TRIM35: variants seen among roughly 807,000 people sequenced by gnomAD.
TRIM35 encodes E3 ubiquitin-protein ligase TRIM35.
Under a neutral mutation model 49.1 loss-of-function variants are expected in TRIM35, and 37 were observed. That is an observed-to-expected ratio of 0.75 (90% CI 0.58 to 0.99). The LOEUF is 0.99. Ranked by LOEUF, TRIM35 falls within the 50% of genes least tolerant of loss-of-function variation. TRIM35 has a pLI of 0.00. For missense variants in TRIM35, 648 were observed against 702.7 expected (o/e 0.92, Z 0.88); for synonymous variants, 302 against 289.3 (o/e 1.04, Z -0.45).
rs779078557 is a variant in TRIM35, at chr8:27,310,870, G to A, written c.366C>T (p.Ser122=). The A allele has an allele frequency of 1.2e-6, 2 of 1,611,912 alleles. No individual in the cohort carries two copies. The highest frequency in any genetic ancestry group is 1.1e-5 in the South Asian group (1 of 91,020). Residue 122 remains serine, a synonymous_variant, in exon 1 of 6, where the codon TCC becomes TCT. Transcript: ENST00000305364. The part of the protein sequence containing the change: ...CLEDKELLCC[S]CQADPRHQGH... ...CCTGGTGTCGGGGGTCGGCCTGGCA[G>A]GAGCAGCACAGCAGCTCCTTGTCCT... is the stretch of plus-strand genomic sequence containing the variant.
intron 1 of TRIM35, among the ~76,000 whole-genome samples, chr8:27,307,796 C>G (rs1330414781): frequency 1.3e-5 from 2 of 152,184 alleles, no homozygotes; most frequent in Non-Finnish European, 2.9e-5. Flanking sequence ...CTCTATGATT[C>G]TATAATTGTC....
intron 2 of TRIM35, among the ~76,000 whole-genome samples, chr8:27,296,808 A>G (rs1006540146): frequency 2.0e-5 from 3 of 152,372 alleles, no homozygotes; most frequent in African/African-American, 7.2e-5. Flanking sequence ...TGGAATTTCA[A>G]CATGTATTTA....
intron 1 of TRIM35, among the ~76,000 whole-genome samples, chr8:27,302,318 C>G (rs572596662): frequency 6.6e-6 from 1 of 152,154 alleles, no homozygotes; most frequent in African/African-American, 2.4e-5. Context: ...TAGCTCTCAA[C>G]GAAGTATATT....
rs149401880 is a variant in TRIM35, at chr8:27,309,476, G to A, written c.435+1325C>T. On this transcript the variant is annotated intron_variant, in intron 1 of 5. Transcript: ENST00000305364. ...AAACTTTGTCAAATGCATTTGGAGC[G>A]GAACAGACTTCCGTATTTAAAAAGG... Among the ~76,000 whole-genome samples the A allele has an allele frequency of 3.6e-3, 545 of 152,180 alleles. 9 individuals are homozygous for A. Among genetic ancestry groups the A allele is most frequent in the African/African-American group, 0.012 (508 of 41,510 alleles).
rs1398830818 is a variant in TRIM35 at position 27,298,451 on chromosome 8, A to T, written c.531+13T>A. 1.2e-6 allele frequency: 2 copies of T among 1,613,678 alleles called. No homozygotes were observed. Among genetic ancestry groups the T allele is most frequent in the Non-Finnish European group, 1.7e-6 (2 of 1,179,728 alleles). On this transcript the variant is annotated intron_variant, in intron 2 of 5. Coordinates refer to ENST00000305364, the MANE Select transcript of TRIM35 (RefSeq NM_171982.5). ...GGACCCAATCTTCCCACTTGGCCCC[A>T]TCGTTCGCTCACCTGATTGTGCTTG...
At chr8:27,307,408 A>G (rs1194944337) in intron 1 of TRIM35, among the ~76,000 whole-genome samples, 2 of 151,798 alleles carry the variant, frequency 1.3e-5, no homozygotes, top group Non-Finnish European at 2.9e-5. Flanking sequence ...ACTTCCTTGG[A>G]GACTCCTTCC....
chr8:27,299,597 T>C (rs1802642510), intron 1 of TRIM35, among the ~76,000 whole-genome samples: 1 of 152,218 alleles, frequency 6.6e-6, no homozygotes, highest in Non-Finnish European at 1.5e-5. Context: ...AGGCAGCTGC[T>C]GAGACAGCAC....
intron 1 of TRIM35, among the ~76,000 whole-genome samples, chr8:27,302,670 A>C (rs1434669658): frequency 6.6e-6 from 1 of 152,166 alleles, no homozygotes; most frequent in Non-Finnish European, 1.5e-5. Context: ...AGCCTCCCAA[A>C]GTGCTGGGAT....
Position 27,286,550 on chromosome 8 carries a change from C to A in TRIM35, c.*1000G>T. 1 of 200,592 alleles carries A rather than the reference C, an allele frequency of 5.0e-6. No homozygotes were observed. The highest frequency in any genetic ancestry group is 1.0e-5 in the Non-Finnish European group (1 of 97,612). 12.4% of individuals were successfully genotyped at this position (200,592 alleles called of 1,614,324 possible). A position where few individuals can be genotyped will look rare whatever the true frequency, so the allele number is the denominator to read the frequency against. On this transcript the variant is annotated 3_prime_UTR_variant, in exon 6 of 6. Transcript: ENST00000305364. ...TCTCATTTCCTGGTGGGGAAACAGG[C>A]CTGGCAAGGAAATAGGCCGAAATCA...
At position 27,310,840 on chromosome 8, in the gene TRIM35, G is replaced by A; in HGVS notation, c.396C>T (p.His132=). ...CAGTGTCCTTCACCGGCTGCACGCG[G>A]TGCCCCTGGTGTCGGGGGTCGGCCT... ...SCQADPRHQG[H]RVQPVKDTAH... Residue 132 remains histidine (H), a synonymous_variant, in exon 1 of 6, where the codon CAC becomes CAT. Transcript: ENST00000305364. The A allele has an allele frequency of 7.5e-6, 12 of 1,608,496 alleles. No individual in the cohort carries two copies. Among genetic ancestry groups the A allele is most frequent in the Non-Finnish European group, 1.0e-5 (12 of 1,176,340 alleles).
intron 5 of TRIM35, among the ~76,000 whole-genome samples, chr8:27,288,473 T>C (rs898781188): frequency 6.6e-6 from 1 of 152,122 alleles, no homozygotes; most frequent in Non-Finnish European, 1.5e-5. Context: ...TGCTGTGTGA[T>C]GGCGGAGGTG....
chr8:27,296,447 C>T (rs968152335), intron 2 of TRIM35, among the ~76,000 whole-genome samples: 13 of 152,302 alleles, frequency 8.5e-5, no homozygotes, highest in African/African-American at 2.9e-4. Context: ...GAACAAACAC[C>T]AGAACTTTCA....
intron 5 of TRIM35, among the ~76,000 whole-genome samples, 188 bp from the exon 6 acceptor site, chr8:27,288,315 C>G (rs373388010): frequency 1.9e-4 from 29 of 152,144 alleles, no homozygotes; most frequent in African/African-American, 6.5e-4. Context: ...GCAGTCCCAA[C>G]CCCTGGTACC....
chr8:27,301,549 T>C (rs1216919409), intron 1 of TRIM35, among the ~76,000 whole-genome samples: 1 of 152,264 alleles, frequency 6.6e-6, no homozygotes, highest in Non-Finnish European at 1.5e-5. Context: ...TTCCATTGCG[T>C]TGCCTGCCAT....
rs1372500168 is a variant in TRIM35, at chr8:27,285,963, G to A, written c.*1587C>T. The A allele has an allele frequency of 5.3e-6, 2 of 380,162 alleles. No homozygotes were observed. Among genetic ancestry groups the A allele is most frequent in the Non-Finnish European group, 1.1e-5 (2 of 190,182 alleles). 23.5% of individuals were successfully genotyped at this position (380,162 alleles called of 1,614,324 possible). On this transcript the variant is annotated 3_prime_UTR_variant, in exon 6 of 6. Coordinates refer to ENST00000305364, the MANE Select transcript of TRIM35 (RefSeq NM_171982.5). Reference sequence around the variant, plus strand: ...TCACACACTGACATCGCCTACCTGGGCCCTCCTTGTGGCCTTAAGTTTTAT... The same window carrying A: ...TCACACACTGACATCGCCTACCTGGACCCTCCTTGTGGCCTTAAGTTTTAT...
At chr8:27,298,610 G>T in intron 1 of TRIM35, 51 bp from the exon 2 acceptor site, 1 of 1,417,882 alleles carries the variant, frequency 7.1e-7, no homozygotes, top group African/African-American at 1.4e-5. Context: ...GCTGGAGGCT[G>T]GGCAGAGAGG....
chr8:27,296,441 A>T (rs1802568748), intron 2 of TRIM35, among the ~76,000 whole-genome samples: 1 of 152,204 alleles, frequency 6.6e-6, no homozygotes, highest in South Asian at 2.1e-4. Context: ...GTAAAGGAAC[A>T]AACACCAGAA....
chr8:27,287,876 G>C lies in TRIM35; in HGVS notation c.1156C>G (p.His386Asp). 6.2e-7 allele frequency: 1 copy of C among 1,613,218 alleles called. No individual in the cohort carries two copies. The highest frequency in any genetic ancestry group is 8.5e-7 in the Non-Finnish European group (1 of 1,179,852). ...GAGCGTGTGTCGTGGTAGCAGCTGT[G>C]TGAGTGGCCCTCAGCGCCCGAGTCC... ...RQDSGAEGHS[H>D]SCYHDTRSGF... The change falls in exon 6 of 6, where the codon CAC (histidine) becomes GAC (aspartate). Residue 386 changes from histidine to aspartate, a missense_variant. By Grantham distance (81) the His-to-Asp change is moderately conservative. Transcript: ENST00000305364. The surrounding 1 kb of genome is among the most constrained non-coding windows in gnomAD (Gnocchi z 6.0).
At position 27,311,267 on chromosome 8, in the gene TRIM35, T is replaced by G; in HGVS notation, c.-32A>C. 4 of 1,470,368 alleles carry G rather than the reference T, an allele frequency of 2.7e-6. No homozygotes were observed. The highest frequency in any genetic ancestry group is 3.6e-6 in the Non-Finnish European group (4 of 1,107,792). 91.1% of individuals were successfully genotyped at this position (1,470,368 alleles called of 1,614,324 possible). ...AGCAGCCGGCTCGGGCGCCCGGAAC[T>G]TTTGCTCCGGCCCCTCCCACCCGCC... On this transcript the variant is annotated 5_prime_UTR_variant, in exon 1 of 6. Transcript: ENST00000305364.
Sources: allele counts gnomAD v4.1 joint callset (sites outside exome capture counted in the v4.1 genomes callset), GRCh38; gene constraint gnomAD v4.1.1; non-coding constraint Gnocchi (gnomAD v3.1); transcripts MANE v1.5; gene names NCBI Gene and HGNC (gene_info 2026-07-23, HGNC 2026-07-21).